Variants in SMYD3 observed in about 807,000 individuals in gnomAD.
The protein encoded by SMYD3 is SET and MYND domain containing 3, also known as histone-lysine N-methyltransferase SMYD3.
SMYD3 carries 36 observed loss-of-function variants against 57.7 expected under a neutral mutation model. The observed-to-expected ratio is 0.62, with a 90% confidence interval of 0.48 to 0.82. The LOEUF is 0.82. Ranked by LOEUF, SMYD3 falls within the 40% of genes least tolerant of loss-of-function variation. SMYD3 has a pLI of 0.00. For missense variants in SMYD3, 515 were observed against 538.8 expected (o/e 0.96, Z 0.44); for synonymous variants, 211 against 195.0 (o/e 1.08, Z -0.68).
intron 5 of SMYD3, among the ~76,000 whole-genome samples, chr1:246,238,151 C>A (rs971707737): frequency 3.9e-5 from 6 of 152,064 alleles, no homozygotes; most frequent in African/African-American, 1.4e-4. Flanking sequence ...GCAGCCTCAA[C>A]CTCCCGGGCT....
At position 246,288,062 on chromosome 1, in the gene SMYD3, C is replaced by CTTTTTTTTTTTTT. The variant is rs67603439; in HGVS notation, c.531+39126_531+39138dup. Among the ~76,000 whole-genome samples the CTTTTTTTTTTTTT allele has an allele frequency of 3.3e-4, 21 of 64,206 alleles. 3 individuals carry two copies. The highest frequency in any genetic ancestry group is 4.7e-4 in the Non-Finnish European group (17 of 35,964). The allele number at this position is 64,206 out of a possible 152,430, so 42.1% of individuals were successfully genotyped here. A position where few individuals can be genotyped will look rare whatever the true frequency, so the allele number is the denominator to read the frequency against. ...GTTTTTGAAATGCCATCAGGTAATT[C>CTTTTTTTTTTTTT]TTTTTTTTTTTTTTTTTTTTTTTTT... On this transcript the variant is annotated intron_variant, in intron 5 of 11. Transcript: ENST00000490107.
At chr1:246,109,785 C>T (rs1439682504) in intron 5 of SMYD3, 1 of 152,188 alleles carries the variant, frequency 6.6e-6, no homozygotes, top group Non-Finnish European at 1.5e-5. Context: ...GCTGCAGGTG[C>T]TTACCATGGG....
chr1:246,088,033 A>T (rs1049655496), intron 5 of SMYD3, among the ~76,000 whole-genome samples: 27 of 152,156 alleles, frequency 1.8e-4, no homozygotes, highest in Non-Finnish European at 3.4e-4. Context: ...TTTAGAATAA[A>T]TGAGATGCTC....
At chr1:245,928,878 GGTCCA>G (rs1470959009) in intron 6 of SMYD3, among the ~76,000 whole-genome samples, 1 of 152,180 alleles carries the variant, frequency 6.6e-6, no homozygotes, top group Non-Finnish European at 1.5e-5. Flanking sequence ...CCTGGGCCAT[GGTCCA>G]GTCATTTTAT....
At chr1:246,382,739 T>A (rs2066409707) in intron 1 of SMYD3, among the ~76,000 whole-genome samples, 1 of 147,254 alleles carries the variant, frequency 6.8e-6, no homozygotes, top group Non-Finnish European at 1.5e-5. Context: ...AAGAACCAGG[T>A]CTCTTTCTGC....
chr1:246,444,625 T>C lies in SMYD3; in HGVS notation c.164+62429A>G, dbSNP rs1186803396. 2.0e-5 allele frequency among the ~76,000 whole-genome samples: 3 copies of C among 152,304 alleles called. No individual in the cohort carries two copies. The East Asian group carries it at 5.8e-4, about 29-fold the overall frequency. On this transcript the variant is annotated intron_variant, in intron 1 of 11. Transcript: ENST00000490107. ...CCACAGGTGCTCTCAGGCAACCATA[T>C]TAGAAATTATCAAATGCAGACATTG...
chr1:245,768,124 T>A (rs1209298882), intron 10 of SMYD3, among the ~76,000 whole-genome samples: 3 of 152,182 alleles, frequency 2.0e-5, no homozygotes, highest in Non-Finnish European at 4.4e-5. Flanking sequence ...ACAAAATCAT[T>A]CAACAAGGCA....
chr1:246,002,461 G>A (rs1346525358), intron 5 of SMYD3, among the ~76,000 whole-genome samples: 1 of 51,026 alleles, frequency 2.0e-5, no homozygotes, highest in Non-Finnish European at 4.7e-5. Flanking sequence ...TGGGATTACA[G>A]GCGCCCGCCA....
chr1:246,462,355 A>G (rs1331204034), intron 1 of SMYD3, among the ~76,000 whole-genome samples: 1 of 152,024 alleles, frequency 6.6e-6, no homozygotes, highest in African/African-American at 2.4e-5. Flanking sequence ...CCATGCCTAG[A>G]GGTCTGGAGA....
chr1:246,236,376 C>T (rs928169118), intron 5 of SMYD3, among the ~76,000 whole-genome samples: 6 of 151,944 alleles, frequency 3.9e-5, no homozygotes, highest in African/African-American at 1.5e-4. Flanking sequence ...ATTATAGACA[C>T]ATCCCACCAC....
chr1:245,814,638 G>T (rs922736127), intron 10 of SMYD3, among the ~76,000 whole-genome samples: 1 of 152,072 alleles, frequency 6.6e-6, no homozygotes, highest in Non-Finnish European at 1.5e-5. Context: ...CGGAGAAGCT[G>T]CTCTTTCTAA....
At chr1:246,040,248 T>G (rs2059845227) in intron 5 of SMYD3, among the ~76,000 whole-genome samples, 1 of 152,168 alleles carries the variant, frequency 6.6e-6, no homozygotes, top group South Asian at 2.1e-4. Flanking sequence ...AGAAGAGGAT[T>G]TATGTAGCTC....
At chr1:245,948,860 C>T (rs2057515636) in intron 5 of SMYD3, among the ~76,000 whole-genome samples, 2 of 152,174 alleles carry the variant, frequency 1.3e-5, no homozygotes, top group African/African-American at 2.4e-5. Context: ...CTCTTCAGGA[C>T]ACCTGGCCCA....
intron 5 of SMYD3, among the ~76,000 whole-genome samples, chr1:246,184,553 C>T (rs1425867854): frequency 6.6e-6 from 1 of 152,072 alleles, no homozygotes; most frequent in Non-Finnish European, 1.5e-5. Context: ...TTGTGTCCTC[C>T]CAAAATTCTT....
At chr1:246,030,767 T>A (rs2059657575) in intron 5 of SMYD3, among the ~76,000 whole-genome samples, 1 of 152,196 alleles carries the variant, frequency 6.6e-6, no homozygotes, top group Admixed American at 6.5e-5. Context: ...GCACACAAAT[T>A]ACGTTATTTA....
intron 8 of SMYD3, among the ~76,000 whole-genome samples, chr1:245,876,941 CA>C (rs1248182169): frequency 6.6e-6 from 1 of 151,010 alleles, no homozygotes; most frequent in Non-Finnish European, 1.5e-5. Flanking sequence ...TATGGGAGCA[CA>C]GAGGCAGAGC....
At chr1:245,912,592 C>T (rs1243096676) in intron 8 of SMYD3, among the ~76,000 whole-genome samples, 3 of 152,062 alleles carry the variant, frequency 2.0e-5, no homozygotes, top group Non-Finnish European at 4.4e-5. Flanking sequence ...ATCACACTAC[C>T]TAACTTCAAA....
intron 5 of SMYD3, among the ~76,000 whole-genome samples, chr1:246,232,249 C>A (rs955791502): frequency 6.6e-6 from 1 of 152,032 alleles, no homozygotes; most frequent in African/African-American, 2.4e-5. Flanking sequence ...AAAACGAAGG[C>A]GACACCAGGA....
At chr1:246,408,608 G>A (rs1288914521) in intron 1 of SMYD3, among the ~76,000 whole-genome samples, 2 of 149,540 alleles carry the variant, frequency 1.3e-5, no homozygotes, top group Non-Finnish European at 3.0e-5. Context: ...AAATTTATGA[G>A]TTCTCCATCA....
Sources: gnomAD v4.1 joint callset for allele counts (sites outside exome capture counted in the v4.1 genomes callset) on GRCh38, gnomAD v4.1.1 for gene constraint, MANE v1.5 for transcripts, NCBI Gene and HGNC (gene_info 2026-07-23, HGNC 2026-07-21) for gene names.